Variants in SNTG2 observed in about 807,000 individuals in gnomAD.
SNTG2 encodes the protein gamma-2-syntrophin.
A neutral mutation model predicts 70.9 loss-of-function variants in SNTG2; 74 were observed. The ratio of observed to expected loss-of-function variants is 1.04; its 90% CI spans 0.86 to 1.27. The LOEUF (loss-of-function observed/expected upper bound fraction) is 1.27, where lower values mean the gene tolerates loss of function less well. Among genes scored for constraint, SNTG2 ranks in the 50% most tolerant of loss-of-function variants. The probability of loss-of-function intolerance (pLI) is 0.00; values close to 1 mark genes in which losing one functional copy is unlikely to be tolerated. For synonymous variants in SNTG2, 278 were observed against 273.8 expected (o/e 1.02, Z -0.15); for missense variants, 717 against 690.7 (o/e 1.04, Z -0.43).
Position 1,266,358 on chromosome 2 carries a change from A to C in SNTG2, c.1078-1007A>C, listed in dbSNP as rs964571851. On this transcript the variant is annotated intron_variant, in intron 13 of 16. Transcript: ENST00000308624. The stretch of plus-strand genomic sequence containing the variant: ...TGCAACCTTGCAGATGGGGGAAAGA[A>C]GTGGGGAGCTCCCCAGGCTGCTCCA... 6.6e-5 allele frequency among the ~76,000 whole-genome samples: 10 copies of C among 152,298 alleles called. No homozygotes were observed. The East Asian group carries it at 1.7e-3, about 27-fold the overall frequency.
At chr2:986,697 A>G (rs1661334807) in intron 1 of SNTG2, among the ~76,000 whole-genome samples, 1 of 152,066 alleles carries the variant, frequency 6.6e-6, no homozygotes, top group Admixed American at 6.5e-5. Flanking sequence ...AGCAAGTGGA[A>G]CATTTTTTTC....
intron 1 of SNTG2, among the ~76,000 whole-genome samples, chr2:1,037,655 A>G (rs1661206911): frequency 6.6e-6 from 1 of 151,918 alleles, no homozygotes. Flanking sequence ...TATACACAGA[A>G]CATAGGACGT....
chr2:1,047,864 G>C (rs1471846941), intron 1 of SNTG2, among the ~76,000 whole-genome samples: 2 of 152,010 alleles, frequency 1.3e-5, no homozygotes, highest in Admixed American at 6.5e-5. Context: ...TACACACACA[G>C]AAAATGCTGA....
At chr2:1,198,842 T>C (rs1405688286) in intron 8 of SNTG2, among the ~76,000 whole-genome samples, 2 of 151,500 alleles carry the variant, frequency 1.3e-5, no homozygotes, top group Non-Finnish European at 2.9e-5. Flanking sequence ...GAAAAAAAAG[T>C]CTAAAACCTG....
intron 1 of SNTG2, among the ~76,000 whole-genome samples, chr2:1,005,539 C>T (rs1469260436): frequency 6.6e-6 from 1 of 151,742 alleles, no homozygotes; most frequent in African/African-American, 2.4e-5. Context: ...CACAGTGGCT[C>T]ACACCTGTAA....
intron 14 of SNTG2, among the ~76,000 whole-genome samples, chr2:1,301,728 A>C (rs150063527): frequency 1.5e-3 from 235 of 152,210 alleles, no homozygotes; most frequent in African/African-American, 5.2e-3. Flanking sequence ...CACACAGAAG[A>C]CTTTATCCAC....
chr2:1,190,581 T>A (rs1003982874), intron 8 of SNTG2, among the ~76,000 whole-genome samples: 1 of 147,192 alleles, frequency 6.8e-6, no homozygotes, highest in Admixed American at 6.8e-5. Context: ...TGACTGTAAA[T>A]GTATATATAT....
At chr2:1,256,862 G>A (rs1052884652) in intron 12 of SNTG2, among the ~76,000 whole-genome samples, 2 of 152,130 alleles carry the variant, frequency 1.3e-5, no homozygotes, top group Non-Finnish European at 2.9e-5. Context: ...GACCTGCCAC[G>A]GCTGTCAGGA....
chr2:980,916 A>G (rs934303375), intron 1 of SNTG2, among the ~76,000 whole-genome samples: 3 of 152,188 alleles, frequency 2.0e-5, no homozygotes, highest in Non-Finnish European at 4.4e-5. Context: ...TGACTTCTTA[A>G]TCATCATGAC....
chr2:956,218 C>T, intron 1 of SNTG2, among the ~76,000 whole-genome samples: 1 of 105,352 alleles, frequency 9.5e-6, no homozygotes, highest in Admixed American at 9.0e-5. Flanking sequence ...CCTGCCCCTG[C>T]CCCGCCCCTG....
chr2:1,302,153 G>T (rs1250500793), intron 14 of SNTG2, among the ~76,000 whole-genome samples: 2 of 151,980 alleles, frequency 1.3e-5, no homozygotes, highest in East Asian at 3.9e-4. Context: ...TAGAGACAGG[G>T]TTTCATCATG....
chr2:1,205,397 T>C (rs1461696230), intron 8 of SNTG2, among the ~76,000 whole-genome samples: 1 of 152,222 alleles, frequency 6.6e-6, no homozygotes, highest in African/African-American at 2.4e-5. Context: ...CCATTCAGAA[T>C]GTTTATCTTG....
At chr2:1,175,931 GGTTCTCCTGGTTCTCCCA>G (rs1449489578) in intron 8 of SNTG2, among the ~76,000 whole-genome samples, 9 of 152,132 alleles carry the variant, frequency 5.9e-5, no homozygotes, top group Admixed American at 1.3e-4. Flanking sequence ...GAGGCTGCCT[GGTTCTCCTGGTTCTCCCA>G]GTTCTCCTGG....
At chr2:1,355,972 C>T (rs951793619) in intron 16 of SNTG2, among the ~76,000 whole-genome samples, 3 of 152,174 alleles carry the variant, frequency 2.0e-5, no homozygotes, top group African/African-American at 7.2e-5. Context: ...TGTTTGCTGG[C>T]CACTTGAATG....
chr2:1,226,273 C>T (rs554643208), intron 9 of SNTG2, among the ~76,000 whole-genome samples: 1 of 152,128 alleles, frequency 6.6e-6, no homozygotes, highest in African/African-American at 2.4e-5. Context: ...GGAAGAGGAC[C>T]TGGAGGACTG....
intron 1 of SNTG2, among the ~76,000 whole-genome samples, chr2:1,046,666 C>T (rs946548796): frequency 2.6e-5 from 4 of 152,114 alleles, no homozygotes; most frequent in South Asian, 2.1e-4. Context: ...TTTTTTCTAA[C>T]GATGTTGAAT....
intron 1 of SNTG2, among the ~76,000 whole-genome samples, chr2:1,020,857 G>C (rs1660128265): frequency 6.6e-6 from 1 of 152,038 alleles, no homozygotes; most frequent in Admixed American, 6.6e-5. Context: ...AATAGTAACT[G>C]TTAGACAGCA....
At chr2:1,356,964 G>A (rs1370956030) in intron 16 of SNTG2, among the ~76,000 whole-genome samples, 1 of 151,514 alleles carries the variant, frequency 6.6e-6, no homozygotes, top group African/African-American at 2.4e-5. Flanking sequence ...GTCTATTTTG[G>A]ATCGTCTGTT....
Position 1,237,926 on chromosome 2 carries a change from G to A in SNTG2, c.758G>A (p.Ser253Asn), listed in dbSNP as rs1379892062. 2 of 1,607,004 alleles carry A rather than the reference G, an allele frequency of 1.2e-6. No individual in the cohort carries two copies. The highest frequency in any genetic ancestry group is 2.2e-5 in the East Asian group (1 of 44,636). ...AFEVLALDGV[S>N]SGILRFYTAQ... ...GAGGTGCTCGCCCTGGACGGAGTCAGCTCTGGGATCCTCCGGTTTTACACA... is the reference window on the plus strand; with the variant it reads ...GAGGTGCTCGCCCTGGACGGAGTCAACTCTGGGATCCTCCGGTTTTACACA... The change falls in exon 10 of 17, where the codon AGC (serine) becomes AAC (asparagine). Residue 253 changes from serine to asparagine, a missense_variant. Coordinates refer to ENST00000308624, the MANE Select transcript of SNTG2 (RefSeq NM_018968.4).
Sources: allele counts gnomAD v4.1 joint callset (sites outside exome capture counted in the v4.1 genomes callset), GRCh38; gene constraint gnomAD v4.1.1; transcripts MANE v1.5; gene names NCBI Gene and HGNC (gene_info 2026-07-23, HGNC 2026-07-21).